The following ATP8A2 variants were observed in gnomAD, a reference collection of about 807,000 sequenced individuals.
ATP8A2 encodes the protein phospholipid-transporting ATPase IB.
Under a neutral mutation model 165.6 loss-of-function variants are expected in ATP8A2, and 100 were observed. The observed-to-expected ratio is 0.60, with a 90% CI of 0.51 to 0.71. ATP8A2 has a LOEUF of 0.71. ATP8A2 is among the 30% of genes least tolerant of loss of function. The probability of loss-of-function intolerance (pLI) is 0.00; values close to 1 mark genes in which losing one functional copy is unlikely to be tolerated. For synonymous variants in ATP8A2, 543 were observed against 548.8 expected, an observed-to-expected ratio of 0.99 and a Z score of 0.15; for missense variants, 1,227 against 1,479.5, an observed-to-expected ratio of 0.83 and a Z score of 2.80.
intron 1 of ATP8A2, among the ~76,000 whole-genome samples, chr13:25,464,217 A>G (rs2137493307): frequency 1.3e-5 from 2 of 152,274 alleles, no homozygotes; most frequent in Admixed American, 1.3e-4. Context: ...GTGGTGATCT[A>G]CAGGTGAATA....
chr13:25,992,791 A>C (rs1030634867), intron 35 of ATP8A2, among the ~76,000 whole-genome samples: 20 of 150,838 alleles, frequency 1.3e-4, no homozygotes, highest in African/African-American at 4.9e-4. Flanking sequence ...GCACCCACTA[A>C]CTCGTCATCT....
chr13:25,884,112 T>C (rs1953067057), intron 33 of ATP8A2, among the ~76,000 whole-genome samples: 1 of 152,156 alleles, frequency 6.6e-6, no homozygotes, highest in Admixed American at 6.5e-5. Context: ...TGTACCGACA[T>C]GGTGGGAGAA....
At chr13:25,988,548 C>G (rs1002225479) in intron 35 of ATP8A2, among the ~76,000 whole-genome samples, 19 of 152,178 alleles carry the variant, frequency 1.2e-4, no homozygotes, top group African/African-American at 4.6e-4. Flanking sequence ...CTAATACTGC[C>G]TCCCTCCATG....
chr13:25,775,840 T>A (rs1265586644), intron 27 of ATP8A2, among the ~76,000 whole-genome samples: 1 of 152,236 alleles, frequency 6.6e-6, no homozygotes, highest in African/African-American at 2.4e-5. Context: ...AGAAATCAAC[T>A]TTTTCTGATG....
intron 18 of ATP8A2, 148 bp downstream of exon 18, chr13:25,571,840 T>C (rs2039476007): frequency 1.3e-6 from 1 of 764,110 alleles, no homozygotes; most frequent in South Asian, 1.5e-5. Flanking sequence ...AATGTGATTA[T>C]ATTAGCTTGT....
chr13:26,019,934 A>G lies in ATP8A2; in HGVS notation c.3516A>G (p.Glu1172=). ...SQEEHGAVSQ[E]EVIRAYDTTK... is the part of the protein sequence containing the mutation. ...AAGAACACGGAGCTGTTAGTCAGGA[A>G]GAAGTCATCCGTGCTTATGACACCA... The change falls in exon 37 of 37, where the codon GAA becomes GAG. Residue 1172 remains glutamate, a synonymous_variant. Coordinates refer to ENST00000381655, the MANE Select transcript of ATP8A2 (RefSeq NM_016529.6). The G allele has an allele frequency of 6.2e-7, 1 of 1,614,184 alleles. No homozygotes were observed. Among genetic ancestry groups the G allele is most frequent in the South Asian group, 1.1e-5 (1 of 91,084 alleles).
chr13:25,471,904 A>G (rs2035855436), intron 2 of ATP8A2, among the ~76,000 whole-genome samples: 1 of 152,242 alleles, frequency 6.6e-6, no homozygotes, highest in African/African-American at 2.4e-5. Flanking sequence ...TAGTTGAAAT[A>G]TATTAAAATT....
intron 2 of ATP8A2, among the ~76,000 whole-genome samples, chr13:25,514,004 G>GAGAGGGAGAGGA (rs2037382131): frequency 7.4e-6 from 1 of 134,740 alleles, no homozygotes; most frequent in Admixed American, 7.3e-5. Context: ...GAGGGGGAGG[G>GAGAGGGAGAGGA]AGAGGGAGAG....
chr13:25,894,172 A>G (rs1047008234), intron 33 of ATP8A2, among the ~76,000 whole-genome samples: 7 of 152,154 alleles, frequency 4.6e-5, no homozygotes, highest in Admixed American at 1.3e-4. Flanking sequence ...TTTAGGTCTA[A>G]CATGTAAGTC....
intron 33 of ATP8A2, among the ~76,000 whole-genome samples, chr13:25,925,180 T>C (rs1323894305): frequency 1.3e-5 from 2 of 152,186 alleles, no homozygotes; most frequent in African/African-American, 4.8e-5. Context: ...CTCTCTCAGC[T>C]GGGTTTGTGA....
intron 26 of ATP8A2, among the ~76,000 whole-genome samples, chr13:25,771,804 A>G (rs1171850613): frequency 6.6e-6 from 1 of 152,194 alleles, no homozygotes; most frequent in African/African-American, 2.4e-5. Context: ...CTTTGCACCA[A>G]CCAACATGCT....
intron 1 of ATP8A2, among the ~76,000 whole-genome samples, chr13:25,407,924 C>T (rs2033851824): frequency 6.6e-6 from 1 of 152,018 alleles, no homozygotes; most frequent in Admixed American, 6.6e-5. Context: ...CTACGGGAGG[C>T]AAGGGGAGGG....
intron 2 of ATP8A2, among the ~76,000 whole-genome samples, chr13:25,480,484 C>T (rs1211707880): frequency 2.2e-4 from 32 of 147,330 alleles, no homozygotes; most frequent in South Asian, 4.3e-4. Context: ...GACGGGGTCG[C>T]GGCCGGGCAG....
intron 2 of ATP8A2, 28 bp from the exon 3 acceptor site, chr13:25,529,971 A>G: frequency 7.8e-7 from 1 of 1,280,508 alleles, no homozygotes; most frequent in Non-Finnish European, 1.1e-6. Flanking sequence ...TCTATAACTG[A>G]TAGTATTATT....
chr13:25,512,406 A>G (rs1196276167), intron 2 of ATP8A2, among the ~76,000 whole-genome samples: 11 of 150,750 alleles, frequency 7.3e-5, no homozygotes, highest in African/African-American at 2.5e-4. Context: ...TACACCTCCC[A>G]GACGGGGTGG....
At chr13:25,559,126 A>G (rs1415690496) in intron 14 of ATP8A2, 65 bp downstream of exon 14, 4 of 1,114,210 alleles carry the variant, frequency 3.6e-6, no homozygotes, top group Non-Finnish European at 5.4e-6. Flanking sequence ...GTTTATTTTT[A>G]GCTACTTAGT....
At chr13:25,478,600 C>G (rs1307341760) in intron 2 of ATP8A2, among the ~76,000 whole-genome samples, 1 of 152,088 alleles carries the variant, frequency 6.6e-6, no homozygotes, top group Admixed American at 6.5e-5. Flanking sequence ...GGTTTTTAGC[C>G]TTTACTATTT....
intron 2 of ATP8A2, among the ~76,000 whole-genome samples, chr13:25,515,421 A>G (rs1305377510): frequency 6.6e-6 from 1 of 152,256 alleles, no homozygotes; most frequent in Non-Finnish European, 1.5e-5. Context: ...CCATTTGTGA[A>G]GCTAGAGCCC....
At chr13:25,659,099 C>T (rs2041995775) in intron 24 of ATP8A2, among the ~76,000 whole-genome samples, 1 of 152,152 alleles carries the variant, frequency 6.6e-6, no homozygotes, top group Admixed American at 6.5e-5. Context: ...GAAATCGTCT[C>T]CCTCAGAAGG....
Sources: allele counts gnomAD v4.1 joint callset (sites outside exome capture counted in the v4.1 genomes callset), GRCh38; gene constraint gnomAD v4.1.1; transcripts MANE v1.5; gene names NCBI Gene and HGNC (gene_info 2026-07-23, HGNC 2026-07-21).